ITLN1: variants seen among roughly 807,000 people sequenced by gnomAD.
The protein encoded by ITLN1 is intelectin 1, also known as intelectin-1.
ITLN1 carries 29 observed loss-of-function variants against 36.2 expected under a neutral mutation model. That is an observed-to-expected ratio of 0.80 (90% CI 0.60 to 1.09). The LOEUF is 1.09. Ranked by LOEUF, ITLN1 falls within the 50% of genes least tolerant of loss-of-function variation. The probability of loss-of-function intolerance (pLI) is 0.00; values close to 1 mark genes in which losing one functional copy is unlikely to be tolerated. For missense variants in ITLN1, 358 were observed against 405.2 expected (o/e 0.88, Z 1.00); for synonymous variants, 143 against 146.5 (o/e 0.98, Z 0.17).
At chr1:160,880,551 T>A in intron 6 of ITLN1, 37 bp downstream of exon 6, 1 of 1,608,812 alleles carries the variant, frequency 6.2e-7, no homozygotes, top group South Asian at 1.1e-5. Flanking sequence ...TGTATTCCCT[T>A]TCCTACCAGG....
At chr1:160,883,712 A>G (rs1557856970) in intron 2 of ITLN1, among the ~76,000 whole-genome samples, 186 bp from the exon 3 acceptor site, 3 of 152,162 alleles carry the variant, frequency 2.0e-5, no homozygotes, top group Admixed American at 6.5e-5. Flanking sequence ...CATCGGCATC[A>G]TATCCACTCA....
rs756933396 is a variant in ITLN1, at chr1:160,880,588, G to C, written c.685C>G (p.Arg229Gly). 6.2e-7 allele frequency: 1 copy of C among 1,613,628 alleles called. No individual in the cohort carries two copies. The highest frequency in any genetic ancestry group is 1.1e-5 in the South Asian group (1 of 91,006). ...GTTCAGAGGATCATTAAAGACTCAC[G>C]CTGGCCATAGGGTGAGTAATAAGAT... ...TASYYSPYGQREFTAGFVQFR... is the reference protein window; with the variant it reads ...TASYYSPYGQGEFTAGFVQFR... The change falls in exon 6 of 8, where the codon CGG becomes GGG. Residue 229 changes from arginine to glycine, a missense_variant and splice_region_variant. Arg to Gly is a moderately radical substitution (Grantham distance 125, BLOSUM62 -2). Coordinates refer to ENST00000326245, the MANE Select transcript of ITLN1 (RefSeq NM_017625.3).
chr1:160,880,713 A>G lies in ITLN1; in HGVS notation c.565-5T>C. 6.2e-7 allele frequency: 1 copy of G among 1,614,060 alleles called. No individual in the cohort carries two copies. The highest frequency in any genetic ancestry group is 8.5e-7 in the Non-Finnish European group (1 of 1,179,984). ...TCCATATTTCACTGGATATTTCTACAAAGAACACAGAAAAAGTCATGGAGT... is the reference window on the plus strand; with the variant it reads ...TCCATATTTCACTGGATATTTCTACGAAGAACACAGAAAAAGTCATGGAGT... On this transcript the variant is annotated splice_polypyrimidine_tract_variant and splice_region_variant and intron_variant, in intron 5 of 7. Coordinates refer to ENST00000326245, the MANE Select transcript of ITLN1 (RefSeq NM_017625.3).
At chr1:160,879,273 C>T in intron 7 of ITLN1, 38 bp downstream of exon 7, 1 of 1,472,164 alleles carries the variant, frequency 6.8e-7, no homozygotes, top group Non-Finnish European at 9.5e-7. Context: ...CAAACTCGAC[C>T]TTACTCACAG....
chr1:160,880,062 T>C (rs1234577579), intron 6 of ITLN1, among the ~76,000 whole-genome samples: 2 of 152,078 alleles, frequency 1.3e-5, no homozygotes, highest in East Asian at 3.9e-4. Context: ...TCCCAACACT[T>C]TGGGAGCCGA....
chr1:160,884,394 C>T (rs1156716930), intron 2 of ITLN1, among the ~76,000 whole-genome samples: 1 of 151,384 alleles, frequency 6.6e-6, no homozygotes, highest in Non-Finnish European at 1.5e-5. Context: ...TTCGAAACAG[C>T]CTTTTCTTTA....
Position 160,880,613 on chromosome 1 carries a change from T to A in ITLN1, c.660A>T (p.Ala220=), listed in dbSNP as rs192395872. The A allele has an allele frequency of 2.1e-4, 337 of 1,614,182 alleles. No homozygotes were observed. The highest frequency in any genetic ancestry group is 2.7e-5 in the Non-Finnish European group (32 of 1,180,020). ...VYDFGDAQKT[A]SYYSPYGQRE... ...GCTGGCCATAGGGTGAGTAATAAGA[T>A]GCTGTTTTCTGGGCGTCGCCAAAAT... Residue 220 remains alanine, a synonymous_variant, in exon 6 of 8, where the codon GCA becomes GCT. Coordinates refer to ENST00000326245, the MANE Select transcript of ITLN1 (RefSeq NM_017625.3).
intron 7 of ITLN1, among the ~76,000 whole-genome samples, chr1:160,877,859 A>T (rs1389633174): frequency 2.6e-5 from 4 of 152,148 alleles, no homozygotes; most frequent in Non-Finnish European, 5.9e-5. Context: ...TTCTCATGAG[A>T]TCTGGACATT....
At chr1:160,879,641 G>A (rs1175033082) in intron 6 of ITLN1, among the ~76,000 whole-genome samples, 1 of 152,164 alleles carries the variant, frequency 6.6e-6, no homozygotes. Flanking sequence ...TCCTCAGAGA[G>A]GGCTCCTCAT....
At position 160,882,122 on chromosome 1, in the gene ITLN1, G is replaced by C. The variant is rs1318094358; in HGVS notation, c.240C>G (p.Thr80=). Residue 80 remains threonine, a synonymous_variant, in exon 4 of 8, where the codon ACC becomes ACG. Transcript: ENST00000326245. ...CDMTSGGGGW[T]LVASVHENDM... ...CATTCTCGTGCACGCTGGCCACCAG[G>C]GTCCAGCCGCCACCCCCAGAGGTCA... The C allele has an allele frequency of 6.2e-7, 1 of 1,613,830 alleles. No individual in the cohort carries two copies. Among genetic ancestry groups the C allele is most frequent in the East Asian group, 2.2e-5 (1 of 44,876 alleles).
Position 160,882,182 on chromosome 1 carries a change from A to G in ITLN1, c.180T>C (p.Thr60=), listed in dbSNP as rs770294515. 1.9e-5 allele frequency: 30 copies of G among 1,587,494 alleles called. No individual in the cohort carries two copies. The highest frequency in any genetic ancestry group is 1.0e-4 in the Admixed American group (6 of 58,336). ...SAFDGLYFLR[T]ENGVIYQTFC... ...AGGTCTGGTAGATAACACCATTCTC[A>G]GTGCGGAGAAAATACAGGCCATCTG... Residue 60 remains threonine (T), a synonymous_variant, in exon 4 of 8, where the codon ACT becomes ACC. Coordinates refer to ENST00000326245, the MANE Select transcript of ITLN1 (RefSeq NM_017625.3).
intron 6 of ITLN1, among the ~76,000 whole-genome samples, chr1:160,880,331 AT>A (rs2101909369): frequency 6.6e-6 from 1 of 152,170 alleles, no homozygotes; most frequent in Non-Finnish European, 1.5e-5. Flanking sequence ...CTGGAGCCAA[AT>A]TTCCTCACCC....
In ITLN1 at chr1:160,879,318, G is replaced by A; in HGVS notation, c.782C>T (p.Thr261Ile). 6.2e-7 allele frequency: 1 copy of A among 1,613,010 alleles called. No individual in the cohort carries two copies. The highest frequency in any genetic ancestry group is 1.1e-5 in the South Asian group (1 of 91,054). ...GTCCCCACAGAGACTCACGTGCTCA[G>A]TGTTACATCCGGTGACCCTCATTCC... is the stretch of plus-strand genomic sequence containing the variant. ...CAGMRVTGCNTEHHCIGGGGY... is the reference protein window; with the variant it reads ...CAGMRVTGCNIEHHCIGGGGY... The change falls in exon 7 of 8, where the codon ACT becomes ATT. Residue 261 changes from threonine to isoleucine, a missense_variant. Coordinates refer to ENST00000326245, the MANE Select transcript of ITLN1 (RefSeq NM_017625.3).
Position 160,881,804 on chromosome 1 carries a change from GAAA to G in ITLN1, c.405+150_405+152del, listed in dbSNP as rs56380748. On this transcript the variant is annotated intron_variant, in intron 4 of 7. Coordinates refer to ENST00000326245, the MANE Select transcript of ITLN1 (RefSeq NM_017625.3). ...GCAACAGAGTAAGACTCCGTCTCAAGAAAAAAAAAAAAAAAAAAAAAGATATAA... is the reference window on the plus strand; with the variant it reads ...GCAACAGAGTAAGACTCCGTCTCAAGAAAAAAAAAAAAAAAAAAGATATAA... Among the ~76,000 whole-genome samples, 8 of 125,298 alleles carry G rather than the reference GAAA, an allele frequency of 6.4e-5. No homozygotes were observed. In the East Asian group the frequency reaches 7.0e-4, roughly 11 times the overall value. The allele number at this position is 125,298 out of a possible 152,430, so 82.2% of individuals were successfully genotyped here.
chr1:160,880,858 T>A, intron 5 of ITLN1, 150 bp from the exon 6 acceptor site: 1 of 1,007,946 alleles, frequency 9.9e-7, no homozygotes, highest in South Asian at 1.6e-5. Flanking sequence ...AATCTTTCCA[T>A]GACACTGCTG....
At position 160,876,715 on chromosome 1, in the gene ITLN1, G is replaced by A. The variant is rs764511836; in HGVS notation, c.891C>T (p.Tyr297=). The change falls in exon 8 of 8, where the codon TAC becomes TAT. Residue 297 remains tyrosine, a synonymous_variant. Transcript: ENST00000326245. ...CCTCAGTTATCTCACGGCTGCTGCT[G>A]TAACCAACATGAGTTCCATATCCAC... ...DWSGYGTHVG[Y]SSSREITEAA... 3.7e-6 allele frequency: 6 copies of A among 1,614,226 alleles called. No homozygotes were observed. The South Asian group carries it at 5.5e-5, about 15-fold the overall frequency.
chr1:160,878,342 G>A (rs552264660), intron 7 of ITLN1, among the ~76,000 whole-genome samples: 3 of 150,708 alleles, frequency 2.0e-5, no homozygotes, highest in South Asian at 4.2e-4. Flanking sequence ...ATTAAACCTC[G>A]TTTCTTTATA....
chr1:160,876,651 T>C lies in ITLN1; in HGVS notation c.*13A>G. 1 of 1,613,860 alleles carries C rather than the reference T, an allele frequency of 6.2e-7. No homozygotes were observed. The highest frequency in any genetic ancestry group is 8.5e-7 in the Non-Finnish European group (1 of 1,179,808). On this transcript the variant is annotated 3_prime_UTR_variant, in exon 8 of 8. Coordinates refer to ENST00000326245, the MANE Select transcript of ITLN1 (RefSeq NM_017625.3). ...GTTGGGAGGAGAGGTCTGGGTTCCC[T>C]CCCACAAAACTCTCAACGATAGAAT...
chr1:160,878,755 G>T (rs1472411585), intron 7 of ITLN1, among the ~76,000 whole-genome samples: 1 of 152,042 alleles, frequency 6.6e-6, no homozygotes, highest in Non-Finnish European at 1.5e-5. Context: ...TTTGGAATTT[G>T]TCAATCCCAC....
Sources: allele counts gnomAD v4.1 joint callset (sites outside exome capture counted in the v4.1 genomes callset), GRCh38; gene constraint gnomAD v4.1.1; transcripts MANE v1.5; gene names NCBI Gene and HGNC (gene_info 2026-07-23, HGNC 2026-07-21).